LTBP4: variants seen among roughly 807,000 people sequenced by gnomAD.
LTBP4 encodes the protein latent-transforming growth factor beta-binding protein 4.
LTBP4 carries 93 observed loss-of-function variants against 180.2 expected under a neutral mutation model. The observed-to-expected ratio is 0.52, with a 90% CI of 0.44 to 0.61. LTBP4 has a LOEUF of 0.61. Among genes scored for constraint, LTBP4 ranks in the 20% least tolerant of loss-of-function variants. LTBP4 has a pLI of 0.00. For missense variants in LTBP4, 2,116 were observed against 2,256.5 expected (o/e 0.94, Z 1.26); for synonymous variants, 947 against 934.5 (o/e 1.01, Z -0.24).
rs1351788525 is a variant in LTBP4, at chr19:40,629,381, G to A, written c.4520-15G>A. On this transcript the variant is annotated splice_polypyrimidine_tract_variant and intron_variant, in intron 29 of 29. Transcript: ENST00000396819. The surrounding 1 kb of genome is among the most constrained non-coding windows in gnomAD (Gnocchi z 4.5). Reference sequence around the variant, plus strand: ...GCCCCAGCCTTCAGCAGCGATCGTTGTCTCCCCTCCGCAGACATCAACGAG... The same window carrying A: ...GCCCCAGCCTTCAGCAGCGATCGTTATCTCCCCTCCGCAGACATCAACGAG... 6.2e-7 allele frequency: 1 copy of A among 1,612,458 alleles called. No homozygotes were observed. Among genetic ancestry groups the A allele is most frequent in the Non-Finnish European group, 8.5e-7 (1 of 1,179,376 alleles).
upstream of LTBP4, among the ~76,000 whole-genome samples, chr19:40,600,741 C>A (rs182219958): frequency 2.0e-3 from 305 of 152,246 alleles, 1 homozygote; most frequent in Non-Finnish European, 3.1e-3. This position sits in a 1 kb window ranked among gnomAD's most constrained non-coding sequence, Gnocchi z 4.4. Flanking sequence ...GATGTTAGTA[C>A]CCCCGCCCAC....
intron 12 of LTBP4, chr19:40,610,925 A>G (rs1479230965): frequency 2.8e-6 from 2 of 718,936 alleles, no homozygotes; most frequent in Non-Finnish European, 4.5e-6. Flanking sequence ...AGGGGAGCAG[A>G]GTTATGGAGG....
At chr19:40,606,333 G>C (rs745514630) in intron 5 of LTBP4, 26 bp downstream of exon 5, 1 of 1,600,700 alleles carries the variant, frequency 6.2e-7, no homozygotes, top group South Asian at 1.1e-5. Flanking sequence ...GGTGGGAGGG[G>C]CTTGGTTCTG....
At chr19:40,599,650 TC>T, upstream of LTBP4, 2 of 1,196,154 alleles carry the variant, frequency 1.7e-6, no homozygotes, top group Non-Finnish European at 2.4e-6. Context: ...TCTCCCTCTC[TC>T]TCCCCCCTCC....
At chr19:40,600,147 C>G (rs886054444), upstream of LTBP4, 28 of 1,256,284 alleles carry the variant, frequency 2.2e-5, no homozygotes, top group Middle Eastern at 4.5e-4. This position sits in a 1 kb window ranked among gnomAD's most constrained non-coding sequence, Gnocchi z 4.4. Flanking sequence ...AAGGAGGCCC[C>G]CACAGCGTGC....
At position 40,606,228 on chromosome 19, in the gene LTBP4, C is replaced by T. The variant is rs377502007; in HGVS notation, c.794-5C>T. The T allele has an allele frequency of 1.3e-5, 20 of 1,583,210 alleles. No individual in the cohort carries two copies. The highest frequency in any genetic ancestry group is 1.8e-5 in the Admixed American group (1 of 55,886). ...CCCTGGCCCACCCCTCTCCTCTCGC[C>T]ACAGGGAACTCCGAAAGAGTGAGCG... On this transcript the variant is annotated splice_polypyrimidine_tract_variant and splice_region_variant and intron_variant, in intron 4 of 29. Coordinates refer to ENST00000396819, the MANE Select transcript of LTBP4 (RefSeq NM_001042545.2).
chr19:40,625,996 T>C lies in LTBP4; in HGVS notation c.3972T>C (p.Pro1324=). Reference sequence around the variant, plus strand: ...GGGGCATGGACTGCGCCCTCTGCCCTGCGCAGGACTCAGGTGCTGGCACTG... The same window carrying C: ...GGGGCATGGACTGCGCCCTCTGCCCCGCGCAGGACTCAGGTGCTGGCACTG... ...EAWGMDCALC[P]AQDSDDFEAL... Residue 1324 remains proline (P), a synonymous_variant, in exon 27 of 30, where the codon CCT becomes CCC. Coordinates refer to ENST00000396819, the MANE Select transcript of LTBP4 (RefSeq NM_001042545.2). The C allele has an allele frequency of 6.2e-7, 1 of 1,603,850 alleles. No individual in the cohort carries two copies. The highest frequency in any genetic ancestry group is 8.5e-7 in the Non-Finnish European group (1 of 1,176,040).
rs768358241 is a variant in LTBP4, at chr19:40,611,181, C to A, written c.1840C>A (p.Leu614Met). The A allele has an allele frequency of 1.2e-6, 2 of 1,613,578 alleles. No individual in the cohort carries two copies. Among genetic ancestry groups the A allele is most frequent in the South Asian group, 2.2e-5 (2 of 91,052 alleles). The change falls in exon 13 of 30, where the codon CTG becomes ATG. Residue 614 changes from leucine (L) to methionine (M), a missense_variant. Leu to Met is a conservative substitution (Grantham distance 15). Around this residue, in one of 5 missense-constraint regions of LTBP4, gnomAD observed 877 missense variants for 873.6 expected, o/e 1.00. Coordinates refer to ENST00000396819, the MANE Select transcript of LTBP4 (RefSeq NM_001042545.2). The surrounding 1 kb of genome is among the most constrained non-coding windows in gnomAD (Gnocchi z 4.4). Reference sequence around the variant, plus strand: ...GGATGAATGCACCCAGAGCCCAGGCCTGTGTGGCCGAGGGGCCTGCAAGAA... The same window carrying A: ...GGATGAATGCACCCAGAGCCCAGGCATGTGTGGCCGAGGGGCCTGCAAGAA... ...DVDECTQSPG[L>M]CGRGACKNLP...
In LTBP4 at chr19:40,619,176, G is replaced by A. The variant is rs111303419; in HGVS notation, c.3071-171G>A. On this transcript the variant is annotated intron_variant, in intron 21 of 29. Coordinates refer to ENST00000396819, the MANE Select transcript of LTBP4 (RefSeq NM_001042545.2). ...AAAGAACAGGATTGAAAATAGAGGA[G>A]CACAGGGTTCCCAAGGGAAATTCAA... Among the ~76,000 whole-genome samples the A allele has an allele frequency of 3.4e-3, 522 of 152,138 alleles. 2 individuals carry two copies. Among genetic ancestry groups the A allele is most frequent in the African/African-American group, 0.012 (502 of 41,508 alleles).
Position 40,629,045 on chromosome 19 carries a change from T to C in LTBP4, c.4520-351T>C, listed in dbSNP as rs1345302698. Among the ~76,000 whole-genome samples the C allele has an allele frequency of 2.6e-5, 4 of 152,014 alleles. No homozygotes were observed. Among genetic ancestry groups the C allele is most frequent in the African/African-American group, 9.7e-5 (4 of 41,400 alleles). On this transcript the variant is annotated intron_variant, in intron 29 of 29. Coordinates refer to ENST00000396819, the MANE Select transcript of LTBP4 (RefSeq NM_001042545.2). The surrounding 1 kb of genome is among the most constrained non-coding windows in gnomAD (Gnocchi z 4.5). ...TTGTATTCTTAGTAGAGACGGGGTC[T>C]CACCATGTTGGCCAGGTTCGTCTCG...
chr19:40,613,668 A>G lies in LTBP4; in HGVS notation c.2557+139A>G. 2 of 1,357,468 alleles carry G rather than the reference A, an allele frequency of 1.5e-6. No homozygotes were observed. Among genetic ancestry groups the G allele is most frequent in the Non-Finnish European group, 2.0e-6 (2 of 990,682 alleles). The allele number at this position is 1,357,468 out of a possible 1,614,324, so 84.1% of individuals were successfully genotyped here. ...GCAGGATCAGGGGGCAGCTGGTGGG[A>G]GTCTCGAGGCAGTGAGGGGGGGCGG... On this transcript the variant is annotated intron_variant, in intron 17 of 29. Coordinates refer to ENST00000396819, the MANE Select transcript of LTBP4 (RefSeq NM_001042545.2). The surrounding 1 kb of genome is among the most constrained non-coding windows in gnomAD (Gnocchi z 5.0).
At chr19:40,621,905 A>G (rs144390995) in intron 22 of LTBP4, among the ~76,000 whole-genome samples, 3,412 of 151,998 alleles carry the variant, frequency 0.022, 62 homozygotes, top group Non-Finnish European at 0.035. Flanking sequence ...GCGCCACCAC[A>G]CCCGGCTAAT....
Position 40,605,848 on chromosome 19 carries a change from C to T in LTBP4, c.793+17C>T. The T allele has an allele frequency of 6.5e-7, 1 of 1,535,104 alleles. No homozygotes were observed. The highest frequency in any genetic ancestry group is 8.7e-7 in the Non-Finnish European group (1 of 1,145,940). ...AGCGCCTGGGTAAGCCCCAGGACGT[C>T]CCCGAAGTGCTCGGAGCTGGGGAGT... On this transcript the variant is annotated intron_variant, in intron 4 of 29. Coordinates refer to ENST00000396819, the MANE Select transcript of LTBP4 (RefSeq NM_001042545.2). This position sits in a 1 kb window ranked among gnomAD's most constrained non-coding sequence, Gnocchi z 5.5.
At position 40,605,829 on chromosome 19, in the gene LTBP4, T is replaced by C. The variant is rs1226555211; in HGVS notation, c.791T>C (p.Leu264Pro). 6.5e-7 allele frequency: 1 copy of C among 1,537,474 alleles called. No homozygotes were observed. The highest frequency in any genetic ancestry group is 2.4e-5 in the East Asian group (1 of 40,908). ...VHDCQLCSER[L>P]GNSERVSAPD... Reference sequence around the variant, plus strand: ...GACTGTCAGCTGTGCTCCGAGCGCCTGGGTAAGCCCCAGGACGTCCCCGAA... The same window carrying C: ...GACTGTCAGCTGTGCTCCGAGCGCCCGGGTAAGCCCCAGGACGTCCCCGAA... The change falls in exon 4 of 30, where the codon CTG becomes CCG. Residue 264 changes from leucine to proline, a missense_variant and splice_region_variant. By Grantham distance (98) the Leu-to-Pro change is moderately conservative. Around this residue, in one of 5 missense-constraint regions of LTBP4, gnomAD observed 469 missense variants for 532.5 expected, o/e 0.88. Coordinates refer to ENST00000396819, the MANE Select transcript of LTBP4 (RefSeq NM_001042545.2). This position sits in a 1 kb window ranked among gnomAD's most constrained non-coding sequence, Gnocchi z 5.5.
At chr19:40,626,694 C>T (rs189462309) in intron 27 of LTBP4, among the ~76,000 whole-genome samples, 315 of 152,288 alleles carry the variant, frequency 2.1e-3, no homozygotes, top group African/African-American at 7.3e-3. Flanking sequence ...GTCCACAGAA[C>T]ACCCCCATCT....
chr19:40,611,047 G>C lies in LTBP4; in HGVS notation c.1811-105G>C. 6 of 1,467,772 alleles carry C rather than the reference G, an allele frequency of 4.1e-6. No homozygotes were observed. Among genetic ancestry groups the C allele is most frequent in the Admixed American group, 3.7e-5 (2 of 54,708 alleles). 90.9% of individuals were successfully genotyped at this position (1,467,772 alleles called of 1,614,324 possible). A position where few individuals can be genotyped will look rare whatever the true frequency, so the allele number is the denominator to read the frequency against. Reference sequence around the variant, plus strand: ...CAGATGATGGTGACAAGGAGGAATAGAGATGGGGTCACGGGGACAGAATGT... The same window carrying C: ...CAGATGATGGTGACAAGGAGGAATACAGATGGGGTCACGGGGACAGAATGT... On this transcript the variant is annotated intron_variant, in intron 12 of 29. Coordinates refer to ENST00000396819, the MANE Select transcript of LTBP4 (RefSeq NM_001042545.2). This position sits in a 1 kb window ranked among gnomAD's most constrained non-coding sequence, Gnocchi z 4.4.
In LTBP4 at chr19:40,608,179, C is replaced by T. The variant is rs142610177; in HGVS notation, c.1157-41C>T. 5.2e-4 allele frequency: 832 copies of T among 1,611,586 alleles called. 7 individuals are homozygous for T. The East Asian group carries it at 0.015, about 29-fold the overall frequency. ...TCTGGGCTGGCCATCGTTTTCTTCC[C>T]GCTCTCTTGTCCTCTCTCTGTCTCT... On this transcript the variant is annotated intron_variant, in intron 7 of 29. Transcript: ENST00000396819.
In LTBP4 at chr19:40,611,570, C is replaced by T. The variant is rs2081506684; in HGVS notation, c.2053+176C>T. Among the ~76,000 whole-genome samples, 2 of 152,192 alleles carry T rather than the reference C, an allele frequency of 1.3e-5. No individual in the cohort carries two copies. Among genetic ancestry groups the T allele is most frequent in the African/African-American group, 4.8e-5 (2 of 41,442 alleles). ...TTCAACAAAATAAGGCAGTCCTCCCCACCCCTCCTCCCTTTTTGAAAGATA... is the reference window on the plus strand; with the variant it reads ...TTCAACAAAATAAGGCAGTCCTCCCTACCCCTCCTCCCTTTTTGAAAGATA... On this transcript the variant is annotated intron_variant, in intron 13 of 29. Coordinates refer to ENST00000396819, the MANE Select transcript of LTBP4 (RefSeq NM_001042545.2). The surrounding 1 kb of genome is among the most constrained non-coding windows in gnomAD (Gnocchi z 4.4).
intron 11 of LTBP4, chr19:40,610,167 T>G: frequency 2.2e-6 from 1 of 456,628 alleles, no homozygotes. Flanking sequence ...CCTCCCTGAC[T>G]AACTCCCTCC....
Sources: gnomAD v4.1 joint callset for allele counts (sites outside exome capture counted in the v4.1 genomes callset) on GRCh38, gnomAD v4.1.1 for gene constraint, gnomAD v4.1.1 regional missense constraint, Gnocchi (gnomAD v3.1) non-coding constraint, MANE v1.5 for transcripts, NCBI Gene and HGNC (gene_info 2026-07-23, HGNC 2026-07-21) for gene names.